CAMTA1: variants seen among roughly 807,000 people sequenced by gnomAD.
CAMTA1 encodes calmodulin binding transcription activator 1.
CAMTA1 carries 27 observed loss-of-function variants against 170.9 expected under a neutral mutation model. The observed-to-expected ratio is 0.16, with a 90% CI of 0.12 to 0.22. The LOEUF is 0.22. Among genes scored for constraint, CAMTA1 ranks in the 10% least tolerant of loss-of-function variants. The pLI, the probability that CAMTA1 is intolerant of heterozygous loss-of-function variation, is 1.00. For synonymous variants in CAMTA1, 833 were observed against 891.5 expected (o/e 0.93, Z 1.17); for missense variants, 1,619 against 2,217.2 (o/e 0.73, Z 5.42).
intron 3 of CAMTA1, among the ~76,000 whole-genome samples, chr1:6,967,848 A>T (rs1691828905): frequency 6.6e-6 from 1 of 151,912 alleles, no homozygotes; most frequent in African/African-American, 2.4e-5. Context: ...AGAATGTCCT[A>T]TTTTTTCTCT....
intron 6 of CAMTA1, among the ~76,000 whole-genome samples, chr1:7,624,366 G>A (rs1460845925): frequency 6.6e-6 from 1 of 152,100 alleles, no homozygotes; most frequent in Non-Finnish European, 1.5e-5. Flanking sequence ...CAAGGGCCAA[G>A]ATGGGGAGTA....
At chr1:7,540,709 C>T (rs35861465) in intron 6 of CAMTA1, among the ~76,000 whole-genome samples, 21,699 of 150,464 alleles carry the variant, frequency 0.14, 2,012 homozygotes, top group Non-Finnish European at 0.2. Context: ...AGTGGAAACA[C>T]GTGGGCCAGT....
intron 5 of CAMTA1, among the ~76,000 whole-genome samples, chr1:7,337,065 G>A (rs1271834742): frequency 1.3e-5 from 2 of 152,218 alleles, no homozygotes; most frequent in Non-Finnish European, 2.9e-5. Flanking sequence ...ACTTGAATAC[G>A]ATCCCTAGTG....
intron 5 of CAMTA1, among the ~76,000 whole-genome samples, chr1:7,298,831 C>T (rs1353090250): frequency 3.3e-5 from 5 of 152,110 alleles, no homozygotes; most frequent in Non-Finnish European, 5.9e-5. Context: ...TGAGTCAGTC[C>T]CTAATGGGCT....
intron 3 of CAMTA1, among the ~76,000 whole-genome samples, chr1:7,015,405 CT>C (rs1006973783): frequency 1.3e-5 from 2 of 152,190 alleles, no homozygotes; most frequent in Non-Finnish European, 2.9e-5. Flanking sequence ...TGTCCAGGTC[CT>C]GTGTGTCTTC....
intron 5 of CAMTA1, among the ~76,000 whole-genome samples, chr1:7,259,070 C>G (rs1046789212): frequency 5.9e-5 from 9 of 152,142 alleles, no homozygotes; most frequent in African/African-American, 2.2e-4. Flanking sequence ...CCTCACGCAG[C>G]AGCTCTGGTG....
intron 6 of CAMTA1, among the ~76,000 whole-genome samples, chr1:7,539,442 G>A (rs2094583829): frequency 6.6e-6 from 1 of 152,194 alleles, no homozygotes; most frequent in African/African-American, 2.4e-5. Flanking sequence ...GTACAAGTGG[G>A]CCATGTGTTT....
intron 3 of CAMTA1, chr1:6,888,138 G>C (rs1421953110): frequency 1.0e-6 from 1 of 983,860 alleles, no homozygotes; most frequent in East Asian, 8.0e-5. Context: ...TTGTCCCCTT[G>C]TATCTTCAGT....
rs754448608 is a variant in CAMTA1 at position 7,467,811 on chromosome 1, G to A, written c.439-19G>A. ...CTTCCCTCTTTCCAACTGAATTCTC[G>A]TTTTTCCTCTCTCCCTAGTGCTTGT... On this transcript the variant is annotated intron_variant, in intron 5 of 22. Coordinates refer to ENST00000303635, the MANE Select transcript of CAMTA1 (RefSeq NM_015215.4). 4.2e-5 allele frequency: 67 copies of A among 1,604,404 alleles called. No homozygotes were observed. Among genetic ancestry groups the A allele is most frequent in the East Asian group, 8.9e-5 (4 of 44,852 alleles).
Position 7,385,599 on chromosome 1 carries a change from A to G in CAMTA1, c.439-82231A>G, listed in dbSNP as rs80258050. The stretch of plus-strand genomic sequence containing the variant: ...CACTCACAGGGAGAGCCCCGGGGGG[A>G]AGAGTGCTGCCTGGAGAGCAGCAAA... On this transcript the variant is annotated intron_variant, in intron 5 of 22. Coordinates refer to ENST00000303635, the MANE Select transcript of CAMTA1 (RefSeq NM_015215.4). Among the ~76,000 whole-genome samples, 1,331 of 152,170 alleles carry G rather than the reference A, an allele frequency of 8.7e-3. 18 individuals are homozygous for G. Among genetic ancestry groups the G allele is most frequent in the African/African-American group, 0.031 (1,269 of 41,530 alleles).
chr1:7,191,880 G>A, intron 4 of CAMTA1, among the ~76,000 whole-genome samples: 1 of 152,134 alleles, frequency 6.6e-6, no homozygotes, highest in Non-Finnish European at 1.5e-5. Flanking sequence ...ATGCAGAACC[G>A]CTGGGCATCA....
At chr1:6,885,610 A>C (rs1005872697) in intron 3 of CAMTA1, among the ~76,000 whole-genome samples, 3 of 152,218 alleles carry the variant, frequency 2.0e-5, no homozygotes, top group Admixed American at 6.5e-5. Context: ...TGCAGAGTCC[A>C]CATGCATGCC....
chr1:6,814,544 C>T (rs1324113941), intron 1 of CAMTA1, among the ~76,000 whole-genome samples: 1 of 152,194 alleles, frequency 6.6e-6, no homozygotes, highest in East Asian at 1.9e-4. Flanking sequence ...GCTGTGAGAA[C>T]AGTCTGCCCA....
At chr1:7,177,478 A>C (rs188574395) in intron 4 of CAMTA1, among the ~76,000 whole-genome samples, 21,940 of 63,084 alleles carry the variant, frequency 0.35, 2,127 homozygotes, top group Middle Eastern at 0.39. Flanking sequence ...AGGCCCCCCC[A>C]CACACACTGA....
At chr1:7,294,788 C>A (rs967442349) in intron 5 of CAMTA1, among the ~76,000 whole-genome samples, 3 of 152,224 alleles carry the variant, frequency 2.0e-5, no homozygotes, top group Admixed American at 2.0e-4. Flanking sequence ...AGGTGAGGAC[C>A]AGCCCAGACC....
At chr1:7,016,480 T>C (rs1700552421) in intron 3 of CAMTA1, among the ~76,000 whole-genome samples, 1 of 152,228 alleles carries the variant, frequency 6.6e-6, no homozygotes, top group Admixed American at 6.5e-5. Context: ...TTTTACAGAA[T>C]TTTGTATTTC....
intron 11 of CAMTA1, among the ~76,000 whole-genome samples, chr1:7,718,534 C>T (rs1396933157): frequency 3.3e-5 from 5 of 150,092 alleles, no homozygotes; most frequent in African/African-American, 4.9e-5. Context: ...CATTGTTCAT[C>T]TCCAGGTCTC....
chr1:7,398,183 CTCTCTCTCT>C (rs2089526049), intron 5 of CAMTA1, among the ~76,000 whole-genome samples: 7 of 45,244 alleles, frequency 1.5e-4, no homozygotes, highest in African/African-American at 6.1e-4. Flanking sequence ...CTCTCTCTCT[CTCTCTCTCT>C]CTATATATAT....
intron 5 of CAMTA1, among the ~76,000 whole-genome samples, chr1:7,377,825 G>T (rs990631220): frequency 3.4e-4 from 52 of 152,122 alleles, no homozygotes; most frequent in African/African-American, 1.1e-3. Flanking sequence ...GGAGGCTGAG[G>T]CAAGGGAATC....
Sources: allele counts gnomAD v4.1 joint callset (sites outside exome capture counted in the v4.1 genomes callset), GRCh38; gene constraint gnomAD v4.1.1; transcripts MANE v1.5; gene names NCBI Gene and HGNC (gene_info 2026-07-23, HGNC 2026-07-21).